Variants in SPAG16 observed in about 807,000 individuals in gnomAD.
SPAG16 encodes sperm associated antigen 16.
A neutral mutation model predicts 80.4 loss-of-function variants in SPAG16; 86 were observed. The ratio of observed to expected loss-of-function variants is 1.07; its 90% CI spans 0.90 to 1.28. The LOEUF is 1.28. SPAG16 is among the 50% of genes most tolerant of loss of function. SPAG16 has a pLI of 0.00. For missense variants in SPAG16, 870 were observed against 765.3 expected, an observed-to-expected ratio of 1.14 and a Z score of -1.61; for synonymous variants, 294 against 265.9, an observed-to-expected ratio of 1.11 and a Z score of -1.03.
At chr2:213,654,932 A>G (rs1011223916) in intron 10 of SPAG16, among the ~76,000 whole-genome samples, 4 of 152,232 alleles carry the variant, frequency 2.6e-5, no homozygotes, top group African/African-American at 9.6e-5. Context: ...ACCACTGTAG[A>G]GTAAAATATT....
At position 214,333,135 on chromosome 2, in the gene SPAG16, G is replaced by A. The variant is rs75319179; in HGVS notation, c.1721-77005G>A. On this transcript the variant is annotated intron_variant, in intron 15 of 15. Transcript: ENST00000331683. The stretch of plus-strand genomic sequence containing the variant: ...ATGATGTTGCAAAATCTTTCTACAA[G>A]GGAATCATGCCTTTCCTTTTAAAAT... Among the ~76,000 whole-genome samples the A allele has an allele frequency of 2.0e-3, 304 of 152,292 alleles. 1 individual carries two copies. The highest frequency in any genetic ancestry group is 6.8e-3 in the African/African-American group (281 of 41,568).
At chr2:214,064,871 A>C (rs1303680213) in intron 13 of SPAG16, among the ~76,000 whole-genome samples, 1 of 152,024 alleles carries the variant, frequency 6.6e-6, no homozygotes, top group African/African-American at 2.4e-5. Context: ...ACCAAAAAAG[A>C]GGGTCTATTT....
chr2:213,859,834 C>T (rs145853225), intron 10 of SPAG16, among the ~76,000 whole-genome samples: 34 of 152,286 alleles, frequency 2.2e-4, no homozygotes, highest in Non-Finnish European at 4.6e-4. Context: ...TGAATAGCTA[C>T]TATGTGCCAG....
intron 14 of SPAG16, among the ~76,000 whole-genome samples, chr2:214,143,964 C>G (rs949566774): frequency 1.3e-5 from 2 of 151,988 alleles, no homozygotes; most frequent in African/African-American, 4.8e-5. Context: ...TTGAGACCAG[C>G]CTGAGCAACA....
chr2:214,122,413 A>T, intron 14 of SPAG16, among the ~76,000 whole-genome samples: 1 of 151,838 alleles, frequency 6.6e-6, no homozygotes, highest in South Asian at 2.1e-4. Flanking sequence ...AATTCACATT[A>T]CCTTTTTAAA....
chr2:213,338,759 G>A (rs973366823), intron 5 of SPAG16, among the ~76,000 whole-genome samples: 8 of 152,130 alleles, frequency 5.3e-5, no homozygotes, highest in Non-Finnish European at 8.8e-5. Flanking sequence ...AACTAATGCA[G>A]TAACAGAAAA....
At chr2:213,949,273 C>T (rs539743047) in intron 12 of SPAG16, among the ~76,000 whole-genome samples, 1 of 143,636 alleles carries the variant, frequency 7.0e-6, no homozygotes, top group African/African-American at 2.6e-5. Context: ...CAGGTTCAAG[C>T]GATTCTCGTG....
chr2:213,451,908 G>A (rs922294103), intron 9 of SPAG16, among the ~76,000 whole-genome samples: 1 of 152,112 alleles, frequency 6.6e-6, no homozygotes, highest in East Asian at 1.9e-4. Context: ...GCAGCTGCAG[G>A]TGTCCCTGAC....
At chr2:213,652,181 T>A (rs1423427078) in intron 10 of SPAG16, among the ~76,000 whole-genome samples, 1 of 152,224 alleles carries the variant, frequency 6.6e-6, no homozygotes, top group African/African-American at 2.4e-5. Flanking sequence ...TAGTTTTTTC[T>A]TGTGTAAAAT....
At chr2:213,613,237 C>G (rs1393033377) in intron 10 of SPAG16, among the ~76,000 whole-genome samples, 1 of 152,132 alleles carries the variant, frequency 6.6e-6, no homozygotes, top group East Asian at 1.9e-4. Flanking sequence ...AATACAAAAG[C>G]CAGAGTAATT....
rs1014195638 is a variant in SPAG16, at chr2:213,790,547, A to C, written c.1071-71938A>C. 2.6e-5 allele frequency among the ~76,000 whole-genome samples: 4 copies of C among 151,678 alleles called. No individual in the cohort carries two copies. The South Asian group carries it at 8.3e-4, about 31-fold the overall frequency. On this transcript the variant is annotated intron_variant, in intron 10 of 15. Transcript: ENST00000331683. ...CTTCTGTACTTATATTTTCATTAATATATTTAAAATATTAATATTAGTCTT... is the reference window on the plus strand; with the variant it reads ...CTTCTGTACTTATATTTTCATTAATCTATTTAAAATATTAATATTAGTCTT...
chr2:213,977,164 A>T (rs888680963), intron 12 of SPAG16, among the ~76,000 whole-genome samples: 2 of 152,090 alleles, frequency 1.3e-5, no homozygotes, highest in African/African-American at 4.8e-5. Flanking sequence ...AGGTGAGATC[A>T]TCAAGGACTG....
intron 10 of SPAG16, among the ~76,000 whole-genome samples, chr2:213,503,855 A>G (rs4456649): frequency 0.44 from 67,562 of 152,084 alleles, 15,994 homozygotes; most frequent in African/African-American, 0.6. Flanking sequence ...CCAAACACAG[A>G]AGGTGAGGGT....
chr2:213,860,294 T>C (rs1038101731), intron 10 of SPAG16, among the ~76,000 whole-genome samples: 1 of 151,132 alleles, frequency 6.6e-6, no homozygotes, highest in Non-Finnish European at 1.5e-5. Context: ...AAGAACATTG[T>C]ATGCCTTGCT....
intron 15 of SPAG16, among the ~76,000 whole-genome samples, chr2:214,336,355 A>C (rs2126021374): frequency 6.6e-6 from 1 of 152,260 alleles, no homozygotes; most frequent in South Asian, 2.1e-4. Context: ...GTATTTGCTA[A>C]ATTGGAGACA....
At chr2:214,394,891 C>T (rs753519655) in intron 15 of SPAG16, among the ~76,000 whole-genome samples, 15 of 152,204 alleles carry the variant, frequency 9.9e-5, no homozygotes, top group Non-Finnish European at 1.6e-4. Context: ...CAACTCCTGG[C>T]AGCCACAGAT....
chr2:213,375,483 C>A (rs1575416395), intron 9 of SPAG16, among the ~76,000 whole-genome samples: 2 of 152,106 alleles, frequency 1.3e-5, no homozygotes, highest in Middle Eastern at 6.8e-3. Context: ...TCAGACTTTA[C>A]TTAGTCTCTT....
chr2:214,148,834 T>C (rs1310672879), intron 14 of SPAG16, among the ~76,000 whole-genome samples: 1 of 151,922 alleles, frequency 6.6e-6, no homozygotes, highest in African/African-American at 2.4e-5. Flanking sequence ...TCTAATGTAG[T>C]TAAAATGAAA....
chr2:213,997,443 C>T (rs576280536), intron 12 of SPAG16, among the ~76,000 whole-genome samples: 1 of 152,180 alleles, frequency 6.6e-6, no homozygotes, highest in East Asian at 1.9e-4. Flanking sequence ...CTTATTTTAT[C>T]ATTTTGTATA....
Sources: gnomAD v4.1 joint callset for allele counts (sites outside exome capture counted in the v4.1 genomes callset) on GRCh38, gnomAD v4.1.1 for gene constraint, MANE v1.5 for transcripts, NCBI Gene and HGNC (gene_info 2026-07-23, HGNC 2026-07-21) for gene names.